ARHGEF12: variants seen among roughly 807,000 people sequenced by gnomAD.
ARHGEF12 encodes Rho guanine nucleotide exchange factor 12, also known as KMT2A/ARHGEF12 fusion protein.
ARHGEF12 carries 66 observed loss-of-function variants against 211.2 expected under a neutral mutation model. That is an observed-to-expected ratio of 0.31 (90% confidence interval 0.26 to 0.38). The LOEUF (loss-of-function observed/expected upper bound fraction) is 0.38. Ranked by LOEUF, ARHGEF12 falls within the 10% of genes least tolerant of loss-of-function variation. The pLI, the probability that ARHGEF12 is intolerant of heterozygous loss-of-function variation, is 1.00. For synonymous variants in ARHGEF12, 592 were observed against 638.4 expected (o/e 0.93, Z 1.09); for missense variants, 1,429 against 1,869.5 (o/e 0.76, Z 4.34).
Position 120,484,962 on chromosome 11 carries a change from C to G in ARHGEF12, c.4625-105C>G, listed in dbSNP as rs765018322. On this transcript the variant is annotated intron_variant, in intron 40 of 40. Coordinates refer to ENST00000397843, the MANE Select transcript of ARHGEF12 (RefSeq NM_015313.3). Reference sequence around the variant, plus strand: ...ATACTCATCTGCTTACATACTGATTCAGAAACAAAGATTGAACCACGCCCA... The same window carrying G: ...ATACTCATCTGCTTACATACTGATTGAGAAACAAAGATTGAACCACGCCCA... 118 of 1,235,986 alleles carry G rather than the reference C, an allele frequency of 9.5e-5. 1 individual carries two copies. The highest frequency in any genetic ancestry group is 8.5e-4 in the Admixed American group (43 of 50,332). The allele number at this position is 1,235,986 out of a possible 1,614,324, so 76.6% of individuals were successfully genotyped here. A position where few individuals can be genotyped will look rare whatever the true frequency, so the allele number is the denominator to read the frequency against.
At chr11:120,435,363 AGTT>A (rs1342973721) in intron 11 of ARHGEF12, among the ~76,000 whole-genome samples, 12 of 152,096 alleles carry the variant, frequency 7.9e-5, no homozygotes, top group Non-Finnish European at 1.6e-4. Context: ...TAGGTTTGAT[AGTT>A]GTTATTTGGA....
chr11:120,443,044 C>T (rs1238581257), intron 15 of ARHGEF12, among the ~76,000 whole-genome samples: 1 of 130,370 alleles, frequency 7.7e-6, no homozygotes, highest in Non-Finnish European at 1.6e-5. Flanking sequence ...TTTTTTGAGA[C>T]AGAGTCTTGC....
intron 1 of ARHGEF12, among the ~76,000 whole-genome samples, chr11:120,371,768 T>C (rs1943595462): frequency 6.6e-6 from 1 of 152,174 alleles, no homozygotes; most frequent in Non-Finnish European, 1.5e-5. Context: ...GTAAATATGA[T>C]TTGGTTCTAT....
At chr11:120,443,588 A>G (rs1437870336) in intron 15 of ARHGEF12, among the ~76,000 whole-genome samples, 1 of 152,118 alleles carries the variant, frequency 6.6e-6, no homozygotes, top group African/African-American at 2.4e-5. Context: ...ACACTTTCAC[A>G]TTCAATTACC....
At chr11:120,339,564 T>C (rs147482409) in intron 1 of ARHGEF12, among the ~76,000 whole-genome samples, 7 of 152,338 alleles carry the variant, frequency 4.6e-5, no homozygotes, top group African/African-American at 9.6e-5. Context: ...TGAAGTGCTG[T>C]ATGTGGTATG....
chr11:120,448,861 C>A, intron 20 of ARHGEF12: 1 of 407,822 alleles, frequency 2.5e-6, no homozygotes, highest in Non-Finnish European at 4.4e-6. Context: ...GGTAAATGTG[C>A]TATAAAACTA....
At chr11:120,473,390 A>T (rs1946931601) in intron 31 of ARHGEF12, among the ~76,000 whole-genome samples, 1 of 152,172 alleles carries the variant, frequency 6.6e-6, no homozygotes, top group Non-Finnish European at 1.5e-5. Flanking sequence ...TTATTATAAA[A>T]TTTAATTTTA....
At chr11:120,386,979 C>T (rs1470949228) in intron 1 of ARHGEF12, among the ~76,000 whole-genome samples, 1 of 152,004 alleles carries the variant, frequency 6.6e-6, no homozygotes, top group African/African-American at 2.4e-5. Flanking sequence ...TATTTGACAT[C>T]ACAAATAGTG....
At chr11:120,469,160 TG>T (rs1274008426) in intron 29 of ARHGEF12, 127 bp from the exon 30 acceptor site, 8 of 677,526 alleles carry the variant, frequency 1.2e-5, no homozygotes, top group Non-Finnish European at 1.9e-5. Context: ...GGCTTTAAGC[TG>T]GTACAAAAAT....
In ARHGEF12 at chr11:120,409,448, A is replaced by G. The variant is rs1944816899; in HGVS notation, c.197A>G (p.Tyr66Cys). 2 of 1,613,642 alleles carry G rather than the reference A, an allele frequency of 1.2e-6. No individual in the cohort carries two copies. The highest frequency in any genetic ancestry group is 1.3e-5 in the African/African-American group (1 of 74,898). Residue 66 changes from tyrosine (Y) to cysteine (C), a missense_variant and splice_region_variant, in exon 4 of 41, where the codon TAT becomes TGT. Tyr to Cys is a radical substitution (Grantham distance 194). This residue lies in a region of ARHGEF12 where 60 missense variants were observed against 121.0 expected (regional missense o/e 0.50). Transcript: ENST00000397843. ...TCAGAGGAGAGTAGATCCGAGATAT[A>G]TGGTAAGCTAATGTAGCTAATTCAG... ...SSSEESRSEIYGLVQRCVIIQ... is the reference protein window; with the variant it reads ...SSSEESRSEICGLVQRCVIIQ...
intron 1 of ARHGEF12, among the ~76,000 whole-genome samples, chr11:120,351,124 C>T (rs1046220395): frequency 2.0e-5 from 3 of 151,482 alleles, no homozygotes; most frequent in Non-Finnish European, 4.4e-5. Context: ...CTGAGGCGGG[C>T]GGATCACAAG....
rs545726414 is a variant in ARHGEF12, at chr11:120,349,568, T to G, written c.32+12293T>G. On this transcript the variant is annotated intron_variant, in intron 1 of 40. Transcript: ENST00000397843. ...CTGGGTTTTGGTGTGTTGCATTTGT[T>G]CTGTTACTAGCTGGGAGACCTTGGG... is the stretch of plus-strand genomic sequence containing the variant. Among the ~76,000 whole-genome samples, 18 of 152,308 alleles carry G rather than the reference T, an allele frequency of 1.2e-4. No individual in the cohort carries two copies. In the South Asian group the frequency reaches 3.5e-3, roughly 30 times the overall value.
In ARHGEF12 at chr11:120,433,054, C is replaced by T. The variant is rs117503416; in HGVS notation, c.924+1143C>T. 8.9e-4 allele frequency among the ~76,000 whole-genome samples: 136 copies of T among 152,210 alleles called. 9 individuals carry two copies. The East Asian group carries it at 0.026, about 29-fold the overall frequency. On this transcript the variant is annotated intron_variant, in intron 11 of 40. Transcript: ENST00000397843. ...ATTTGTTGGGTATATGTCCCATACA[C>T]GGTGATAAGGTTTTATGTTCCTTAG...
intron 36 of ARHGEF12, among the ~76,000 whole-genome samples, chr11:120,477,854 C>T (rs1406662525): frequency 6.3e-5 from 8 of 126,192 alleles, no homozygotes; most frequent in South Asian, 2.5e-4. Flanking sequence ...GCAACAAGAC[C>T]GAAACACCAA....
chr11:120,473,431 C>T (rs879588959), intron 31 of ARHGEF12, among the ~76,000 whole-genome samples: 2 of 152,198 alleles, frequency 1.3e-5, no homozygotes, highest in Non-Finnish European at 2.9e-5. Context: ...CAGACAGGGT[C>T]TTGCTCTGTT....
chr11:120,426,475 T>G (rs2135704476), intron 7 of ARHGEF12, among the ~76,000 whole-genome samples: 1 of 152,310 alleles, frequency 6.6e-6, no homozygotes, highest in East Asian at 1.9e-4. Flanking sequence ...ATGTCCTACT[T>G]TCTAATGTGT....
chr11:120,459,608 A>C (rs936929785), intron 26 of ARHGEF12, among the ~76,000 whole-genome samples: 6 of 152,100 alleles, frequency 3.9e-5, no homozygotes, highest in African/African-American at 1.4e-4. Context: ...TAGTATATAT[A>C]TCTCTTTAAA....
chr11:120,428,682 G>A (rs1287567259), intron 8 of ARHGEF12, among the ~76,000 whole-genome samples: 1 of 152,150 alleles, frequency 6.6e-6, no homozygotes, highest in Non-Finnish European at 1.5e-5. Flanking sequence ...AAGGCAGAAT[G>A]TAGACATTAT....
intron 1 of ARHGEF12, among the ~76,000 whole-genome samples, chr11:120,402,673 A>G (rs1187844587): frequency 1.3e-5 from 2 of 152,196 alleles, no homozygotes; most frequent in Non-Finnish European, 1.5e-5. Context: ...AACACCCTAG[A>G]GGAGAGAGAA....
Sources: allele counts gnomAD v4.1 joint callset (sites outside exome capture counted in the v4.1 genomes callset), GRCh38; gene constraint gnomAD v4.1.1; regional missense constraint gnomAD v4.1.1; transcripts MANE v1.5; gene names NCBI Gene and HGNC (gene_info 2026-07-23, HGNC 2026-07-21).